Variants in ARMC8 observed in about 807,000 individuals in gnomAD.
ARMC8 encodes armadillo repeat containing 8.
In ARMC8, 20 loss-of-function variants were observed where a neutral mutation model predicts 99.3. The ratio of observed to expected loss-of-function variants is 0.20; its 90% CI spans 0.14 to 0.29. ARMC8 has a LOEUF of 0.29. ARMC8 is among the 10% of genes least tolerant of loss of function. The pLI is 1.00. For synonymous variants in ARMC8, 263 were observed against 278.3 expected (o/e 0.95, Z 0.55); for missense variants, 569 against 809.5 (o/e 0.70, Z 3.60).
At chr3:138,202,466 A>G (rs1300429277) in intron 1 of ARMC8, among the ~76,000 whole-genome samples, 3 of 152,194 alleles carry the variant, frequency 2.0e-5, no homozygotes, top group Non-Finnish European at 4.4e-5. Flanking sequence ...ACTGAGGACT[A>G]TTAGTACCCT....
chr3:138,229,316 A>C (rs899784121), intron 6 of ARMC8, among the ~76,000 whole-genome samples: 3 of 148,332 alleles, frequency 2.0e-5, no homozygotes, highest in Non-Finnish European at 4.5e-5. Context: ...ATATCAGTAC[A>C]TAAGGACCTC....
chr3:138,210,017 A>G, intron 2 of ARMC8, 124 bp downstream of exon 2: 1 of 604,076 alleles, frequency 1.7e-6, no homozygotes, highest in Non-Finnish European at 2.8e-6. Context: ...TTCTTTCTAG[A>G]AAGACTGCTT....
At chr3:138,292,268 G>A (rs1423698419) in intron 21 of ARMC8, among the ~76,000 whole-genome samples, 1 of 152,196 alleles carries the variant, frequency 6.6e-6, no homozygotes, top group Non-Finnish European at 1.5e-5. Flanking sequence ...TCAAACTTCT[G>A]ACCTCAGATC....
At position 138,214,966 on chromosome 3, in the gene ARMC8, G is replaced by T. The variant is rs528385357; in HGVS notation, c.122+5073G>T. The stretch of plus-strand genomic sequence containing the variant: ...CCGTCTTAATCAGTTATTTTTGAGG[G>T]TTATGGGTAAACATACACAAAGGTG... On this transcript the variant is annotated intron_variant, in intron 2 of 21. Coordinates refer to ENST00000469044, the MANE Select transcript of ARMC8 (RefSeq NM_001363941.2). 5.9e-5 allele frequency among the ~76,000 whole-genome samples: 9 copies of T among 152,220 alleles called. No individual in the cohort carries two copies. In the South Asian group the frequency reaches 1.5e-3, roughly 25 times the overall value.
chr3:138,235,240 A>T (rs2108143694), intron 7 of ARMC8, 126 bp downstream of exon 7: 1 of 646,394 alleles, frequency 1.5e-6, no homozygotes, highest in African/African-American at 1.9e-5. Context: ...GTAAAATGTT[A>T]TAGGGCATCA....
chr3:138,196,326 C>G (rs1559908215), intron 1 of ARMC8, among the ~76,000 whole-genome samples: 1 of 151,986 alleles, frequency 6.6e-6, no homozygotes, highest in Non-Finnish European at 1.5e-5. Flanking sequence ...TTTGGACATG[C>G]CAAATTTGTA....
intron 11 of ARMC8, 53 bp downstream of exon 11, chr3:138,242,036 C>T: frequency 1.3e-6 from 2 of 1,503,648 alleles, no homozygotes; most frequent in African/African-American, 1.4e-5. Flanking sequence ...TAAAGTTTTT[C>T]TTACTGTTCA....
At chr3:138,282,474 C>T (rs780288801) in intron 18 of ARMC8, among the ~76,000 whole-genome samples, 2 of 151,864 alleles carry the variant, frequency 1.3e-5, no homozygotes, top group Non-Finnish European at 2.9e-5. Context: ...GGTGAAATCC[C>T]GTCTCTACTA....
intron 11 of ARMC8, among the ~76,000 whole-genome samples, chr3:138,244,568 G>A (rs180808600): frequency 6.6e-6 from 1 of 152,216 alleles, no homozygotes; most frequent in African/African-American, 2.4e-5. Context: ...GTGAGCCACC[G>A]CGCCCGGCCT....
In ARMC8 at chr3:138,221,931, T is replaced by C; in HGVS notation, c.128T>C (p.Met43Thr). 1.2e-6 allele frequency: 2 copies of C among 1,612,384 alleles called. No homozygotes were observed. Among genetic ancestry groups the C allele is most frequent in the East Asian group, 2.2e-5 (1 of 44,808 alleles). Reference sequence around the variant, plus strand: ...TTTTCTTCCCCTTAATTCAGAGACATGAAAAATGCTGTAATTGGAAACAAC... The same window carrying C: ...TTTTCTTCCCCTTAATTCAGAGACACGAAAAATGCTGTAATTGGAAACAAC... ...PQKVLQGVID[M>T]KNAVIGNNKQ... Residue 43 changes from methionine to threonine, a missense_variant, in exon 3 of 22, where the codon ATG becomes ACG. This residue lies in a region of ARMC8 where 342 missense variants were observed against 391.6 expected (regional missense o/e 0.87). Coordinates refer to ENST00000469044, the MANE Select transcript of ARMC8 (RefSeq NM_001363941.2).
chr3:138,262,318 G>A (rs1352851373), intron 12 of ARMC8: 9 of 535,942 alleles, frequency 1.7e-5, no homozygotes, highest in Non-Finnish European at 3.0e-5. Flanking sequence ...GGTCTAGGGC[G>A]AGGAGTAGAT....
chr3:138,265,710 T>G (rs1374514144), intron 14 of ARMC8, among the ~76,000 whole-genome samples: 6 of 151,834 alleles, frequency 4.0e-5, no homozygotes, highest in Admixed American at 3.9e-4. Flanking sequence ...CAAGTATACC[T>G]TTATGACTCT....
rs904901164 is a variant in ARMC8 at position 138,267,062 on chromosome 3, A to G, written c.1300-93A>G. 4 of 708,860 alleles carry G rather than the reference A, an allele frequency of 5.6e-6. No homozygotes were observed. In the South Asian group the frequency reaches 9.2e-5, roughly 16 times the overall value. 43.9% of individuals were successfully genotyped at this position (708,860 alleles called of 1,614,324 possible). A position where few individuals can be genotyped will look rare whatever the true frequency, so the allele number is the denominator to read the frequency against. ...ATACGAAGAATCAGGTTGAAAGATA[A>G]TTGTTCTTGTTTTTATTTATATTTT... On this transcript the variant is annotated intron_variant, in intron 14 of 21. Coordinates refer to ENST00000469044, the MANE Select transcript of ARMC8 (RefSeq NM_001363941.2).
intron 11 of ARMC8, among the ~76,000 whole-genome samples, chr3:138,242,307 CTG>C (rs755820076): frequency 3.4e-4 from 51 of 152,170 alleles, no homozygotes; most frequent in Admixed American, 6.5e-4. Context: ...GGAATCATCT[CTG>C]TTGTTACATT....
intron 1 of ARMC8, chr3:138,188,119 C>A (rs528878073): frequency 4.4e-6 from 1 of 229,366 alleles, no homozygotes; most frequent in Non-Finnish European, 8.7e-6. Context: ...ACCTGGGCAC[C>A]GGCTGAAGCA....
At chr3:138,190,281 CTT>C (rs141579108) in intron 1 of ARMC8, among the ~76,000 whole-genome samples, 2,938 of 114,136 alleles carry the variant, frequency 0.026, 66 homozygotes, top group African/African-American at 0.098. Context: ...ATTTTCTTAT[CTT>C]TTTTTTTTTT....
At chr3:138,277,647 A>G (rs1399950333) in intron 18 of ARMC8, among the ~76,000 whole-genome samples, 5 of 152,256 alleles carry the variant, frequency 3.3e-5, no homozygotes, top group Admixed American at 2.6e-4. Context: ...AATTTTTTTA[A>G]AACAGTACAG....
chr3:138,249,001 G>A (rs756861676), intron 12 of ARMC8, among the ~76,000 whole-genome samples: 7 of 152,190 alleles, frequency 4.6e-5, no homozygotes, highest in Non-Finnish European at 1.0e-4. Flanking sequence ...GAACTAGAAT[G>A]TAAGCTCCAT....
chr3:138,219,576 AATTG>A (rs1255654547), intron 2 of ARMC8, among the ~76,000 whole-genome samples: 2 of 152,206 alleles, frequency 1.3e-5, no homozygotes. Context: ...TGTCATCTGA[AATTG>A]ATTGCTTAAT....
Sources: gnomAD v4.1 joint callset for allele counts (sites outside exome capture counted in the v4.1 genomes callset) on GRCh38, gnomAD v4.1.1 for gene constraint, gnomAD v4.1.1 regional missense constraint, MANE v1.5 for transcripts, NCBI Gene and HGNC (gene_info 2026-07-23, HGNC 2026-07-21) for gene names.